MORN1: variants seen among roughly 807,000 people sequenced by gnomAD.
MORN1 encodes the protein MORN repeat containing 1.
In MORN1, 67 loss-of-function variants were observed where a neutral mutation model predicts 61.9. The ratio of observed to expected loss-of-function variants is 1.08; its 90% CI spans 0.89 to 1.33. The LOEUF (loss-of-function observed/expected upper bound fraction) is 1.33, where lower values mean the gene tolerates loss of function less well. Among genes scored for constraint, MORN1 ranks in the 40% most tolerant of loss-of-function variants. MORN1 has a pLI of 0.00. For synonymous variants in MORN1, 301 were observed against 292.0 expected (o/e 1.03, Z -0.31); for missense variants, 752 against 691.2 (o/e 1.09, Z -0.99).
intron 12 of MORN1, among the ~76,000 whole-genome samples, chr1:2,327,944 G>A (rs1004431695): frequency 2.0e-5 from 3 of 152,250 alleles, no homozygotes; most frequent in South Asian, 4.1e-4. Context: ...CAGATGCTCC[G>A]AGAAGCCAAG....
chr1:2,335,484 C>T (rs1641245485), intron 12 of MORN1, among the ~76,000 whole-genome samples: 1 of 152,144 alleles, frequency 6.6e-6, no homozygotes, highest in African/African-American at 2.4e-5. Flanking sequence ...CCCCTGAAGC[C>T]CTTCTAGGGC....
chr1:2,385,108 C>G, intron 5 of MORN1, 43 bp from the exon 6 acceptor site: 1 of 1,547,416 alleles, frequency 6.5e-7, no homozygotes. Context: ...CAGGGGGAGC[C>G]GGGTGGTGGC....
chr1:2,386,129 C>T (rs982813740), intron 4 of MORN1: 11 of 540,990 alleles, frequency 2.0e-5, no homozygotes, highest in Admixed American at 1.6e-4. Context: ...TGGGACAGGT[C>T]GGTGAGCTGA....
chr1:2,388,112 G>T, intron 3 of MORN1, 127 bp downstream of exon 3: 1 of 720,844 alleles, frequency 1.4e-6, no homozygotes, highest in Non-Finnish European at 2.3e-6. Flanking sequence ...TTCTCGGTAG[G>T]CCAGGCCTCT....
intron 10 of MORN1, among the ~76,000 whole-genome samples, chr1:2,340,893 C>T (rs924692510): frequency 3.9e-5 from 6 of 152,230 alleles, no homozygotes; most frequent in African/African-American, 7.2e-5. Context: ...GCCACACAGA[C>T]GGCCACATAG....
At chr1:2,345,848 CACACACAGAT>C (rs893215084) in intron 10 of MORN1, among the ~76,000 whole-genome samples, 19 of 141,192 alleles carry the variant, frequency 1.3e-4, no homozygotes, top group East Asian at 6.0e-4. Flanking sequence ...CACACACACA[CACACACAGAT>C]GTTTGCTCTT....
intron 8 of MORN1, among the ~76,000 whole-genome samples, chr1:2,361,539 CAG>C (rs1351640704): frequency 2.7e-5 from 3 of 110,662 alleles, no homozygotes; most frequent in Non-Finnish European, 5.2e-5. Context: ...GCCTGGGAGA[CAG>C]AGTGAGACTG....
At chr1:2,338,104 C>T (rs573680164) in intron 10 of MORN1, among the ~76,000 whole-genome samples, 56 of 152,206 alleles carry the variant, frequency 3.7e-4, no homozygotes, top group Non-Finnish European at 6.6e-4. Flanking sequence ...AGTGGAGGGG[C>T]GCTGGATAGG....
chr1:2,370,668 T>C (rs1465523691), intron 8 of MORN1, among the ~76,000 whole-genome samples: 4 of 128,426 alleles, frequency 3.1e-5, no homozygotes, highest in Non-Finnish European at 4.9e-5. Flanking sequence ...TTCATTTTTT[T>C]TTCTTCTTTT....
intron 10 of MORN1, among the ~76,000 whole-genome samples, chr1:2,348,178 C>A (rs760343527): frequency 1.3e-5 from 2 of 152,216 alleles, no homozygotes; most frequent in African/African-American, 4.8e-5. Context: ...CTGGCGTCTT[C>A]GAAGCTTCCA....
intron 6 of MORN1, among the ~76,000 whole-genome samples, chr1:2,381,756 C>T (rs943990550): frequency 3.9e-5 from 6 of 152,204 alleles, no homozygotes; most frequent in Admixed American, 6.5e-5. Flanking sequence ...CTTGGGGGCC[C>T]GGCTCTCAGG....
At chr1:2,360,517 C>G (rs1399664921) in intron 8 of MORN1, among the ~76,000 whole-genome samples, 2 of 152,152 alleles carry the variant, frequency 1.3e-5, no homozygotes, top group Non-Finnish European at 2.9e-5. Context: ...TGAGGCAGAG[C>G]CCAACAAACC....
chr1:2,384,891 G>A, intron 6 of MORN1, 87 bp downstream of exon 6: 1 of 1,185,512 alleles, frequency 8.4e-7, no homozygotes, highest in Non-Finnish European at 1.2e-6. Context: ...GAAGCTGCCA[G>A]GGTGAGGCTC....
chr1:2,379,552 G>A (rs1642324634), intron 6 of MORN1, among the ~76,000 whole-genome samples: 1 of 152,164 alleles, frequency 6.6e-6, no homozygotes, highest in Non-Finnish European at 1.5e-5. Context: ...AGGGGCAGGT[G>A]CTCACGGGTG....
chr1:2,387,578 G>A, intron 3 of MORN1, 49 bp from the exon 4 acceptor site: 1 of 1,402,370 alleles, frequency 7.1e-7, no homozygotes, highest in Non-Finnish European at 1.0e-6. Flanking sequence ...GTTCAGGGCT[G>A]CGGCCCCAGT....
At chr1:2,348,651 G>GCA (rs199685943) in intron 10 of MORN1, among the ~76,000 whole-genome samples, 4 of 146,130 alleles carry the variant, frequency 2.7e-5, no homozygotes, top group East Asian at 2.0e-4. Context: ...GCGCAGGCAC[G>GCA]CACACACGCA....
intron 6 of MORN1, chr1:2,374,992 T>G (rs1193406591): frequency 6.3e-6 from 1 of 157,704 alleles, no homozygotes; most frequent in African/African-American, 2.4e-5. Context: ...ACTGTTCATT[T>G]ATACATGAAG....
intron 8 of MORN1, among the ~76,000 whole-genome samples, chr1:2,370,709 T>C (rs1642100507): frequency 6.6e-6 from 1 of 151,046 alleles, no homozygotes; most frequent in Non-Finnish European, 1.5e-5. Flanking sequence ...AGGGTCTCCC[T>C]CTGTCACCCA....
intron 8 of MORN1, chr1:2,363,465 A>G (rs1194838979): frequency 6.6e-6 from 1 of 152,288 alleles, no homozygotes; most frequent in Non-Finnish European, 1.5e-5. Flanking sequence ...TAATTAATAC[A>G]TTAACAGAGG....
Sources: gnomAD v4.1 joint callset for allele counts (sites outside exome capture counted in the v4.1 genomes callset) on GRCh38, gnomAD v4.1.1 for gene constraint, MANE v1.5 for transcripts, NCBI Gene and HGNC (gene_info 2026-07-23, HGNC 2026-07-21) for gene names.